The following BIRC6 variants were observed in gnomAD, a reference collection of about 807,000 sequenced individuals.
BIRC6 encodes the protein baculoviral IAP repeat containing 6.
BIRC6 carries 98 observed loss-of-function variants against 503.3 expected under a neutral mutation model. The ratio of observed to expected loss-of-function variants is 0.19; its 90% CI spans 0.17 to 0.23. The LOEUF (loss-of-function observed/expected upper bound fraction) is 0.23, where lower values mean the gene tolerates loss of function less well. Among genes scored for constraint, BIRC6 ranks in the 10% least tolerant of loss-of-function variants. BIRC6 has a pLI of 1.00. For missense variants in BIRC6, 5,360 were observed against 5,806.0 expected, an observed-to-expected ratio of 0.92 and a Z score of 2.50; for synonymous variants, 2,240 against 2,078.7, an observed-to-expected ratio of 1.08 and a Z score of -2.11.
At chr2:32,575,582 G>C (rs1358420000) in intron 66 of BIRC6, among the ~76,000 whole-genome samples, 1 of 152,064 alleles carries the variant, frequency 6.6e-6, no homozygotes, top group Non-Finnish European at 1.5e-5. Context: ...GGCTAACATG[G>C]TGAAACCCCG....
chr2:32,594,008 G>A lies in BIRC6; in HGVS notation c.13449G>A (p.Lys4483=). The A allele has an allele frequency of 6.2e-7, 1 of 1,613,556 alleles. No individual in the cohort carries two copies. The highest frequency in any genetic ancestry group is 8.5e-7 in the Non-Finnish European group (1 of 1,179,618). The change falls in exon 67 of 74, where the codon AAG becomes AAA. Residue 4483 remains lysine, a synonymous_variant. Coordinates refer to ENST00000421745, the MANE Select transcript of BIRC6 (RefSeq NM_016252.4). The stretch of plus-strand genomic sequence containing the variant: ...CTCTTTTGGTACCAGACATCCAAAA[G>A]ACTGCTGAGATAGTTTATGCAGCCA... ...GLTLLVPDIQ[K]TAEIVYAATT...
At chr2:32,467,831 T>A (rs2048720383) in intron 27 of BIRC6, 72 bp from the exon 28 acceptor site, 2 of 1,448,766 alleles carry the variant, frequency 1.4e-6, no homozygotes, top group Non-Finnish European at 1.9e-6. Flanking sequence ...ATAACTATCT[T>A]TTTAAATACA....
Position 32,563,386 on chromosome 2 carries a change from A to G in BIRC6, c.13145-11770A>G, listed in dbSNP as rs984629518. The G allele has an allele frequency of 3.3e-5, 5 of 152,092 alleles. No individual in the cohort carries two copies. In the East Asian group the frequency reaches 9.6e-4, roughly 29 times the overall value. 9.4% of individuals were successfully genotyped at this position (152,092 alleles called of 1,614,324 possible). On this transcript the variant is annotated intron_variant, in intron 65 of 73. Coordinates refer to ENST00000421745, the MANE Select transcript of BIRC6 (RefSeq NM_016252.4). ...AGCTAAAATGGGGGGGCAGGAGAAAACTGTGGAATAGGGAAGGTTTTTTCT... is the reference window on the plus strand; with the variant it reads ...AGCTAAAATGGGGGGGCAGGAGAAAGCTGTGGAATAGGGAAGGTTTTTTCT...
At chr2:32,501,505 A>G (rs558287059) in intron 46 of BIRC6, among the ~76,000 whole-genome samples, 15 of 152,258 alleles carry the variant, frequency 9.9e-5, no homozygotes, top group Admixed American at 5.9e-4. Context: ...TTATATATTC[A>G]TTCTTCAGCA....
intron 44 of BIRC6, among the ~76,000 whole-genome samples, chr2:32,491,975 A>G (rs541569342): frequency 4.0e-4 from 61 of 152,264 alleles, no homozygotes; most frequent in Admixed American, 9.1e-4. Context: ...AAAGATAACA[A>G]TATTGCTCAG....
chr2:32,549,902 C>T (rs2058315114), intron 65 of BIRC6, among the ~76,000 whole-genome samples: 1 of 152,028 alleles, frequency 6.6e-6, no homozygotes, highest in African/African-American at 2.4e-5. Flanking sequence ...TCCATAGGTA[C>T]TTGATAAGAT....
At chr2:32,490,702 A>G (rs186993975) in intron 43 of BIRC6, among the ~76,000 whole-genome samples, 2 of 152,298 alleles carry the variant, frequency 1.3e-5, no homozygotes, top group African/African-American at 4.8e-5. Flanking sequence ...GATTGCTTTT[A>G]GAGTACAAAG....
intron 15 of BIRC6, among the ~76,000 whole-genome samples, chr2:32,437,979 A>G (rs2044923059): frequency 1.3e-5 from 2 of 152,182 alleles, no homozygotes; most frequent in Admixed American, 1.3e-4. Flanking sequence ...TTTTTTAGAG[A>G]CACAGTCTCC....
intron 1 of BIRC6, among the ~76,000 whole-genome samples, chr2:32,369,944 AAATATATATATATATATATATATATATAT>A (rs1399626127): frequency 7.8e-5 from 2 of 25,758 alleles, no homozygotes; most frequent in Non-Finnish European, 1.2e-4. Context: ...AAAAAAAAAA[AAATATATATATATATATATATATATATAT>A]ATATATATAT....
In BIRC6 at chr2:32,476,259, T is replaced by C. The variant is rs2049749039; in HGVS notation, c.6767T>C (p.Met2256Thr). Residue 2256 changes from methionine to threonine, a missense_variant, in exon 34 of 74, where the codon ATG (methionine) becomes ACG (threonine). By Grantham distance (81) the Met-to-Thr change is moderately conservative. Transcript: ENST00000421745. ...KAKQKALVEQ[M>T]EKEKIQSNKG... Reference sequence around the variant, plus strand: ...AAGCAGAAGGCATTGGTAGAACAGATGGAAAAAGAAAAAATACAAAGTAAC... The same window carrying C: ...AAGCAGAAGGCATTGGTAGAACAGACGGAAAAAGAAAAAATACAAAGTAAC... The C allele has an allele frequency of 1.9e-6, 3 of 1,554,186 alleles. No individual in the cohort carries two copies. The highest frequency in any genetic ancestry group is 2.0e-5 in the Admixed American group (1 of 51,274).
At chr2:32,403,735 T>C (rs2040858264) in intron 8 of BIRC6, among the ~76,000 whole-genome samples, 1 of 152,176 alleles carries the variant, frequency 6.6e-6, no homozygotes, top group African/African-American at 2.4e-5. Context: ...TGTTTATTGC[T>C]TTGTAAAAGG....
chr2:32,378,703 C>T (rs969990095), intron 2 of BIRC6, among the ~76,000 whole-genome samples: 1 of 152,076 alleles, frequency 6.6e-6, no homozygotes, highest in Non-Finnish European at 1.5e-5. Context: ...TTGATCCGCC[C>T]GCCTCAGCCT....
chr2:32,383,121 A>T (rs1290911587), intron 3 of BIRC6, among the ~76,000 whole-genome samples: 2 of 150,314 alleles, frequency 1.3e-5, no homozygotes, highest in Non-Finnish European at 3.0e-5. Context: ...ATCTCGGCTC[A>T]CTGCAAGTTC....
intron 51 of BIRC6, 122 bp from the exon 52 acceptor site, chr2:32,509,616 A>G (rs2054190639): frequency 3.6e-6 from 4 of 1,103,084 alleles, no homozygotes; most frequent in South Asian, 1.5e-5. Flanking sequence ...CTAAAAAAAC[A>G]TGTCTTAGAT....
At chr2:32,482,700 A>T in intron 39 of BIRC6, 118 bp downstream of exon 39, 6 of 1,055,968 alleles carry the variant, frequency 5.7e-6, no homozygotes, top group Non-Finnish European at 8.2e-6. Context: ...TTAGTATCAC[A>T]GCTGTGCCGT....
rs1478664893 is a variant in BIRC6, at chr2:32,515,426, G to A, written c.11005G>A (p.Val3669Ile). ...CCAGGACAAACTCAGGCGCCATCAT[G>A]TCCCACAACAATGTAATAAGATGCC... ...ISQDKLRRHHVPQQCNKMPIT... is the reference protein window; with the variant it reads ...ISQDKLRRHHIPQQCNKMPIT... Residue 3669 changes from valine (V) to isoleucine (I), a missense_variant, in exon 55 of 74, where the codon GTC (valine) becomes ATC (isoleucine). Coordinates refer to ENST00000421745, the MANE Select transcript of BIRC6 (RefSeq NM_016252.4). 6.2e-7 allele frequency: 1 copy of A among 1,612,890 alleles called. No homozygotes were observed. Among genetic ancestry groups the A allele is most frequent in the Non-Finnish European group, 8.5e-7 (1 of 1,179,860 alleles).
chr2:32,513,584 G>A (rs2054666251), intron 54 of BIRC6, among the ~76,000 whole-genome samples: 1 of 150,334 alleles, frequency 6.7e-6, no homozygotes, highest in African/African-American at 2.4e-5. Context: ...GACCAGCTTG[G>A]GCAACATGCA....
intron 23 of BIRC6, among the ~76,000 whole-genome samples, chr2:32,458,873 A>G (rs1326105979): frequency 6.6e-6 from 1 of 151,744 alleles, no homozygotes; most frequent in Admixed American, 6.6e-5. Context: ...TATGTTTAGC[A>G]TAAATGAGGT....
Position 32,597,931 on chromosome 2 carries a change from T to G in BIRC6, c.13793T>G (p.Phe4598Cys). Reference protein sequence around the residue: ...SLPLSSSSSVFVRCDEERLDI... With the variant: ...SLPLSSSSSVCVRCDEERLDI... ...CCTCTGTCTTCATCCTCTAGTGTGT[T>G]TGTACGCTGTGATGAGGAGCGACTT... The change falls in exon 69 of 74, where the codon TTT becomes TGT. Residue 4598 changes from phenylalanine (F) to cysteine (C), a missense_variant. Physicochemically the swap from Phe to Cys is radical, Grantham distance 205. Around this residue, in one of 16 missense-constraint regions of BIRC6, gnomAD observed 66 missense variants for 113.2 expected, o/e 0.58. Coordinates refer to ENST00000421745, the MANE Select transcript of BIRC6 (RefSeq NM_016252.4). 1 of 1,613,490 alleles carries G rather than the reference T, an allele frequency of 6.2e-7. No homozygotes were observed. The highest frequency in any genetic ancestry group is 8.5e-7 in the Non-Finnish European group (1 of 1,179,866).
Sources: allele counts gnomAD v4.1 joint callset (sites outside exome capture counted in the v4.1 genomes callset), GRCh38; gene constraint gnomAD v4.1.1; regional missense constraint gnomAD v4.1.1; transcripts MANE v1.5; gene names NCBI Gene and HGNC (gene_info 2026-07-23, HGNC 2026-07-21).